The following XKR6 variants were observed in gnomAD, a reference collection of about 807,000 sequenced individuals.
XKR6 encodes the protein XK-related protein 6.
A neutral mutation model predicts 56.7 loss-of-function variants in XKR6; 22 were observed. The ratio of observed to expected loss-of-function variants is 0.39; its 90% CI spans 0.28 to 0.55. The LOEUF (loss-of-function observed/expected upper bound fraction) is 0.55. Ranked by LOEUF, XKR6 falls within the 20% of genes least tolerant of loss-of-function variation. XKR6 has a pLI of 0.66. For missense variants in XKR6, 852 were observed against 889.0 expected, an observed-to-expected ratio of 0.96 and a Z score of 0.53; for synonymous variants, 524 against 387.8, an observed-to-expected ratio of 1.35 and a Z score of -4.13.
In XKR6 at chr8:10,978,023, G is replaced by A. The variant is rs149394779; in HGVS notation, c.765-53193C>T. Among the ~76,000 whole-genome samples, 44 of 152,178 alleles carry A rather than the reference G, an allele frequency of 2.9e-4. No individual in the cohort carries two copies. The East Asian group carries it at 7.5e-3, about 26-fold the overall frequency. On this transcript the variant is annotated intron_variant, in intron 1 of 2. Transcript: ENST00000416569. ...TCTTTTGATTAACATTATAAACCTA[G>A]TGGGTCTGCCTTATTTAGCCTCCTT...
At chr8:11,059,705 C>T (rs1162076878) in intron 1 of XKR6, among the ~76,000 whole-genome samples, 12 of 147,736 alleles carry the variant, frequency 8.1e-5, no homozygotes, top group African/African-American at 2.7e-4. Flanking sequence ...ACAGGCGCGT[C>T]TCTGTTCCCC....
At chr8:11,059,217 G>A (rs555594321) in intron 1 of XKR6, among the ~76,000 whole-genome samples, 1 of 152,340 alleles carries the variant, frequency 6.6e-6, no homozygotes, top group Non-Finnish European at 1.5e-5. Flanking sequence ...CGCTCCCCAA[G>A]CTGCGACCCC....
At chr8:11,120,274 T>A (rs906980499) in intron 1 of XKR6, among the ~76,000 whole-genome samples, 6 of 152,306 alleles carry the variant, frequency 3.9e-5, no homozygotes, top group African/African-American at 1.4e-4. Flanking sequence ...CATGATTGTA[T>A]ATTTAGAAAA....
intron 1 of XKR6, among the ~76,000 whole-genome samples, chr8:11,036,443 G>T (rs1459809272): frequency 1.3e-5 from 2 of 152,188 alleles, no homozygotes; most frequent in East Asian, 3.8e-4. Context: ...CGTTGAATGT[G>T]AATCTTGCTA....
chr8:10,959,998 C>A (rs560250051), intron 1 of XKR6, among the ~76,000 whole-genome samples: 1 of 151,730 alleles, frequency 6.6e-6, no homozygotes, highest in African/African-American at 2.4e-5. Flanking sequence ...ATTACAAAAG[C>A]CTGAAGGTCA....
chr8:11,107,626 T>C (rs571623278), intron 1 of XKR6, among the ~76,000 whole-genome samples: 1 of 152,150 alleles, frequency 6.6e-6, no homozygotes, highest in Non-Finnish European at 1.5e-5. Context: ...TCTCTGTAGA[T>C]GCGAAACAGT....
chr8:11,075,279 C>T (rs1157782346), intron 1 of XKR6, among the ~76,000 whole-genome samples: 1 of 152,172 alleles, frequency 6.6e-6, no homozygotes. Context: ...GATGGGGCAC[C>T]GACAAAGAGC....
chr8:10,997,665 G>T (rs372811974), intron 1 of XKR6, among the ~76,000 whole-genome samples: 2 of 152,182 alleles, frequency 1.3e-5, no homozygotes, highest in South Asian at 2.1e-4. Flanking sequence ...TGCAATGAGG[G>T]TGTGGAAATG....
At chr8:11,095,521 G>A (rs906927345) in intron 1 of XKR6, among the ~76,000 whole-genome samples, 1 of 152,186 alleles carries the variant, frequency 6.6e-6, no homozygotes, top group African/African-American at 2.4e-5. Flanking sequence ...GGCTCCCCCA[G>A]CACACACTGT....
intron 1 of XKR6, among the ~76,000 whole-genome samples, chr8:10,977,768 G>A (rs1191665986): frequency 1.3e-5 from 2 of 151,462 alleles, no homozygotes; most frequent in Non-Finnish European, 1.5e-5. Flanking sequence ...AAGGTTACTG[G>A]ACCACTGTCA....
chr8:11,079,332 A>G (rs528131548), intron 1 of XKR6, among the ~76,000 whole-genome samples: 1 of 152,374 alleles, frequency 6.6e-6, no homozygotes, highest in South Asian at 2.1e-4. Context: ...AGTATGCTGA[A>G]CAATAGAGTA....
intron 2 of XKR6, among the ~76,000 whole-genome samples, chr8:10,907,998 C>T (rs1365359813): frequency 5.3e-5 from 8 of 152,224 alleles, no homozygotes; most frequent in Admixed American, 5.2e-4. Flanking sequence ...CAATGTTTCC[C>T]TCCGCGTGGC....
chr8:11,159,393 G>A lies in XKR6; in HGVS notation c.764+41183C>T, dbSNP rs4473998. 3.6e-4 allele frequency among the ~76,000 whole-genome samples: 55 copies of A among 152,236 alleles called. 2 individuals are homozygous for A. Among genetic ancestry groups the A allele is most frequent in the South Asian group, 1.2e-3 (6 of 4,820 alleles). On this transcript the variant is annotated intron_variant, in intron 1 of 2. Transcript: ENST00000416569. ...TAATGACCACAATGCAGTCTGTTAC[G>A]ACAGCTATGGCAAATACTGACCTAG...
intron 1 of XKR6, among the ~76,000 whole-genome samples, chr8:11,185,862 T>TA (rs1803247211): frequency 6.6e-6 from 1 of 152,266 alleles, no homozygotes; most frequent in South Asian, 2.1e-4. Context: ...TTAGTGTATT[T>TA]AGTATGACTC....
At chr8:11,094,996 T>C (rs1250243102) in intron 1 of XKR6, among the ~76,000 whole-genome samples, 1 of 152,140 alleles carries the variant, frequency 6.6e-6, no homozygotes, top group Admixed American at 6.5e-5. Flanking sequence ...TGCTAACCTA[T>C]GTAACAAACC....
chr8:11,042,532 A>T (rs560529852), intron 1 of XKR6, among the ~76,000 whole-genome samples: 33 of 152,324 alleles, frequency 2.2e-4, no homozygotes, highest in Admixed American at 1.0e-3. Flanking sequence ...GCCTTCTGCC[A>T]TGATTGTGAA....
At chr8:11,170,680 G>C (rs997564533) in intron 1 of XKR6, among the ~76,000 whole-genome samples, 2 of 152,172 alleles carry the variant, frequency 1.3e-5, no homozygotes, top group Admixed American at 6.5e-5. Flanking sequence ...CAATCTAAGT[G>C]GGTAAATTTT....
At chr8:11,139,195 G>C (rs1368170177) in intron 1 of XKR6, among the ~76,000 whole-genome samples, 1 of 152,178 alleles carries the variant, frequency 6.6e-6, no homozygotes, top group Non-Finnish European at 1.5e-5. Flanking sequence ...TTTCCTCCAT[G>C]AAATAAGATA....
intron 1 of XKR6, among the ~76,000 whole-genome samples, chr8:11,175,822 G>A (rs757671831): frequency 6.6e-6 from 1 of 151,992 alleles, no homozygotes; most frequent in African/African-American, 2.4e-5. Flanking sequence ...CTACACATCC[G>A]TCCGTCAACA....
Sources: gnomAD v4.1 joint callset for allele counts (sites outside exome capture counted in the v4.1 genomes callset) on GRCh38, gnomAD v4.1.1 for gene constraint, MANE v1.5 for transcripts, NCBI Gene and HGNC (gene_info 2026-07-23, HGNC 2026-07-21) for gene names.